Variants in NPAS3 observed in about 807,000 individuals in gnomAD.
NPAS3 encodes the protein neuronal PAS domain protein 3.
NPAS3 carries 14 observed loss-of-function variants against 73.1 expected under a neutral mutation model. The ratio of observed to expected loss-of-function variants is 0.19; its 90% CI spans 0.13 to 0.30. NPAS3 has a LOEUF of 0.30. Ranked by LOEUF, NPAS3 falls within the 10% of genes least tolerant of loss-of-function variation. The pLI, the probability that NPAS3 is intolerant of heterozygous loss-of-function variation, is 1.00. For missense variants in NPAS3, 1,096 were observed against 1,250.0 expected, an observed-to-expected ratio of 0.88 and a Z score of 1.86; for synonymous variants, 620 against 541.5, an observed-to-expected ratio of 1.14 and a Z score of -2.01.
intron 6 of NPAS3, among the ~76,000 whole-genome samples, chr14:33,686,612 T>C (rs2060096083): frequency 6.6e-6 from 1 of 152,172 alleles, no homozygotes; most frequent in South Asian, 2.1e-4. Flanking sequence ...ATGTTATTAT[T>C]TTTCCCATTT....
rs543070115 is a variant in NPAS3, at chr14:33,501,639, T to TC, written c.469-58482_469-58481insC. Among the ~76,000 whole-genome samples, 341 of 151,748 alleles carry TC rather than the reference T, an allele frequency of 2.2e-3. 1 individual carries two copies. The highest frequency in any genetic ancestry group is 8.0e-3 in the African/African-American group (331 of 41,454). On this transcript the variant is annotated intron_variant, in intron 4 of 11. Transcript: ENST00000356141. Reference sequence around the variant, plus strand: ...TCTAGAATCTGGATTTGTTTTTTTTTTTTTTACCTTCAAAAACGGCTCCTG... The same window carrying TC: ...TCTAGAATCTGGATTTGTTTTTTTTTCTTTTTACCTTCAAAAACGGCTCCTG...
chr14:33,687,282 A>G lies in NPAS3; in HGVS notation c.733+10897A>G, dbSNP rs1316502309. Among the ~76,000 whole-genome samples, 8 of 152,298 alleles carry G rather than the reference A, an allele frequency of 5.3e-5. No individual in the cohort carries two copies. The East Asian group carries it at 1.4e-3, about 26-fold the overall frequency. ...TGAAAATTACAAAATTACATATGCT[A>G]TTGATCATGAGCTATTAATATGTAA... On this transcript the variant is annotated intron_variant, in intron 6 of 11. Coordinates refer to ENST00000356141, the Ensembl canonical transcript of NPAS3.
chr14:33,478,140 T>G (rs563997941), intron 4 of NPAS3, among the ~76,000 whole-genome samples: 2 of 152,298 alleles, frequency 1.3e-5, no homozygotes, highest in African/African-American at 4.8e-5. Context: ...TGTTTATCAC[T>G]CATTTCCTAG....
At chr14:33,029,051 T>A (rs1238584648) in intron 1 of NPAS3, among the ~76,000 whole-genome samples, 1 of 151,730 alleles carries the variant, frequency 6.6e-6, no homozygotes, top group Non-Finnish European at 1.5e-5. Context: ...TGATCAGAAG[T>A]GGTTTAGTCA....
chr14:33,101,472 C>T (rs902472413), intron 2 of NPAS3, among the ~76,000 whole-genome samples: 9 of 152,098 alleles, frequency 5.9e-5, no homozygotes, highest in Admixed American at 1.3e-4. Context: ...GCTGATTGTA[C>T]ATGTAGCGAT....
intron 4 of NPAS3, among the ~76,000 whole-genome samples, chr14:33,513,954 G>A (rs1192169011): frequency 2.0e-5 from 3 of 152,008 alleles, no homozygotes; most frequent in African/African-American, 7.2e-5. Context: ...TTGCTAAAAA[G>A]CATGTACCCC....
intron 2 of NPAS3, among the ~76,000 whole-genome samples, chr14:33,165,075 A>G (rs1250972820): frequency 1.3e-5 from 2 of 152,134 alleles, no homozygotes; most frequent in Non-Finnish European, 2.9e-5. Context: ...GGTTTGGGGC[A>G]GAAGGAAAAA....
chr14:33,766,987 AG>A (rs1373521904), intron 7 of NPAS3, among the ~76,000 whole-genome samples: 1 of 152,216 alleles, frequency 6.6e-6, no homozygotes, highest in African/African-American at 2.4e-5. Flanking sequence ...AGATCCTGTA[AG>A]GGAAAGGAAA....
Position 33,741,348 on chromosome 14 carries a change from G to C in NPAS3, c.852+6016G>C, listed in dbSNP as rs750525206. Among the ~76,000 whole-genome samples the C allele has an allele frequency of 5.7e-4, 86 of 152,126 alleles. 1 individual carries two copies. Among genetic ancestry groups the C allele is most frequent in the Middle Eastern group, 3.2e-3 (1 of 316 alleles). On this transcript the variant is annotated intron_variant, in intron 7 of 11. Coordinates refer to ENST00000356141, the Ensembl canonical transcript of NPAS3. ...ACCAAAAATTCTGTCAACCCATTCAGAGTTTCTAAGGCTATGCATTTATTG... is the reference window on the plus strand; with the variant it reads ...ACCAAAAATTCTGTCAACCCATTCACAGTTTCTAAGGCTATGCATTTATTG...
At chr14:33,757,611 T>C (rs1033015933) in intron 7 of NPAS3, among the ~76,000 whole-genome samples, 3 of 152,110 alleles carry the variant, frequency 2.0e-5, no homozygotes, top group African/African-American at 7.2e-5. Flanking sequence ...TTTCAAGAAT[T>C]TGTATTACAG....
intron 11 of NPAS3, among the ~76,000 whole-genome samples, chr14:33,798,977 C>A (rs1360707918): frequency 2.7e-3 from 282 of 106,062 alleles, no homozygotes; most frequent in African/African-American, 3.4e-3. Flanking sequence ...CCTGTCTCTA[C>A]AAAAAAAAAA....
At chr14:33,632,979 A>G (rs2058422249) in intron 5 of NPAS3, among the ~76,000 whole-genome samples, 1 of 152,200 alleles carries the variant, frequency 6.6e-6, no homozygotes, top group African/African-American at 2.4e-5. Context: ...CAGGTTCTGC[A>G]TCCATGGATT....
chr14:33,610,343 C>T (rs1481015960), intron 5 of NPAS3, among the ~76,000 whole-genome samples: 1 of 152,110 alleles, frequency 6.6e-6, no homozygotes, highest in Non-Finnish European at 1.5e-5. Context: ...AGATGATTTT[C>T]ATGATACGCC....
intron 1 of NPAS3, among the ~76,000 whole-genome samples, chr14:33,015,500 A>G (rs1461058030): frequency 6.6e-6 from 1 of 152,238 alleles, no homozygotes; most frequent in Non-Finnish European, 1.5e-5. Context: ...AGAGGTTTTA[A>G]GCAGAAAACT....
At chr14:33,473,046 G>A (rs1594974215) in intron 4 of NPAS3, among the ~76,000 whole-genome samples, 1 of 143,368 alleles carries the variant, frequency 7.0e-6, no homozygotes. Flanking sequence ...AGTGTTTGTG[G>A]TCAAGAATAA....
chr14:33,784,741 A>ATTTATTTTTTTTT (rs2063100811), intron 9 of NPAS3, among the ~76,000 whole-genome samples: 30 of 72,746 alleles, frequency 4.1e-4, no homozygotes, highest in African/African-American at 1.9e-3. Flanking sequence ...TTATTTATTT[A>ATTTATTTTTTTTT]TTTATTTTTT....
intron 5 of NPAS3, among the ~76,000 whole-genome samples, chr14:33,575,389 C>G (rs757562467): frequency 3.3e-5 from 5 of 152,184 alleles, no homozygotes; most frequent in Non-Finnish European, 7.3e-5. Context: ...TTGAAACCCT[C>G]ATTTCCTTTT....
At chr14:33,366,798 G>A (rs1055862553) in intron 3 of NPAS3, among the ~76,000 whole-genome samples, 7 of 151,960 alleles carry the variant, frequency 4.6e-5, no homozygotes, top group Admixed American at 2.6e-4. Flanking sequence ...TCTCTGGGGC[G>A]GGGTTGAGGG....
chr14:33,030,717 G>A (rs2039960141), intron 1 of NPAS3, among the ~76,000 whole-genome samples: 1 of 152,168 alleles, frequency 6.6e-6, no homozygotes, highest in Non-Finnish European at 1.5e-5. Flanking sequence ...TATGTAAAAG[G>A]TGTGTCAATG....
Sources: allele counts gnomAD v4.1 joint callset (sites outside exome capture counted in the v4.1 genomes callset), GRCh38; gene constraint gnomAD v4.1.1; transcripts MANE v1.5; gene names NCBI Gene and HGNC (gene_info 2026-07-23, HGNC 2026-07-21).